KCNQ3: variants seen among roughly 807,000 people sequenced by gnomAD.
The protein encoded by KCNQ3 is potassium voltage-gated channel subfamily KQT member 3.
KCNQ3 carries 30 observed loss-of-function variants against 92.5 expected under a neutral mutation model. That is an observed-to-expected ratio of 0.32 (90% CI 0.24 to 0.44). The LOEUF (loss-of-function observed/expected upper bound fraction) is 0.44, where lower values mean the gene tolerates loss of function less well. Ranked by LOEUF, KCNQ3 falls within the 20% of genes least tolerant of loss-of-function variation. KCNQ3 has a pLI of 1.00. For missense variants in KCNQ3, 913 were observed against 1,140.3 expected (o/e 0.80, Z 2.87); for synonymous variants, 450 against 468.8 (o/e 0.96, Z 0.52).
At position 132,186,018 on chromosome 8, in the gene KCNQ3, C is replaced by T. The variant is rs1052653187; in HGVS notation, c.477+73G>A. The T allele has an allele frequency of 5.4e-6, 6 of 1,111,450 alleles. No homozygotes were observed. The African/African-American group carries it at 6.1e-5, about 11-fold the overall frequency. The allele number at this position is 1,111,450 out of a possible 1,614,324, so 68.8% of individuals were successfully genotyped here. The stretch of plus-strand genomic sequence containing the variant: ...AGCTGCAACCAGTCAGGGAGGAGTG[C>T]ACCCAAGGGCAACCTCCTTTTCATC... On this transcript the variant is annotated intron_variant, in intron 2 of 14. Transcript: ENST00000388996.
intron 10 of KCNQ3, chr8:132,140,870 C>T: frequency 1.9e-6 from 1 of 524,124 alleles, no homozygotes; most frequent in Non-Finnish European, 3.4e-6. Flanking sequence ...CGGGGCGGAC[C>T]CTTAGAAACC....
chr8:132,273,428 AGCATG>A (rs1816224660), intron 1 of KCNQ3, among the ~76,000 whole-genome samples: 1 of 152,192 alleles, frequency 6.6e-6, no homozygotes, highest in Admixed American at 6.5e-5. Flanking sequence ...GGCTGCACAC[AGCATG>A]GGGACCCTGG....
At chr8:132,431,290 C>T (rs1350296471) in intron 1 of KCNQ3, among the ~76,000 whole-genome samples, 2 of 152,240 alleles carry the variant, frequency 1.3e-5, no homozygotes, top group Non-Finnish European at 2.9e-5. Flanking sequence ...CTGCTACTCA[C>T]ATCAGAATCA....
chr8:132,145,011 G>C (rs986060329), intron 9 of KCNQ3, among the ~76,000 whole-genome samples: 2 of 152,178 alleles, frequency 1.3e-5, no homozygotes, highest in Admixed American at 1.3e-4. Context: ...CCCCCAGCCA[G>C]GGCACATTTG....
chr8:132,366,278 G>A (rs753865072), intron 1 of KCNQ3, among the ~76,000 whole-genome samples: 14 of 152,034 alleles, frequency 9.2e-5, no homozygotes, highest in Non-Finnish European at 1.9e-4. Flanking sequence ...ATGGTAAATT[G>A]TATATCGATT....
chr8:132,140,016 T>C, intron 11 of KCNQ3, 60 bp downstream of exon 11: 1 of 1,149,246 alleles, frequency 8.7e-7, no homozygotes, highest in Admixed American at 2.3e-5. Flanking sequence ...CCCCTTCCTG[T>C]GGGAGTTGAG....
chr8:132,364,690 C>CAGATGGATGGAT (rs1554648103), intron 1 of KCNQ3, among the ~76,000 whole-genome samples: 1 of 147,608 alleles, frequency 6.8e-6, no homozygotes, highest in African/African-American at 2.6e-5. Flanking sequence ...GACGGACGGA[C>CAGATGGATGGAT]GGACGGATGG....
chr8:132,363,717 C>T (rs1470311358), intron 1 of KCNQ3, among the ~76,000 whole-genome samples: 5 of 151,818 alleles, frequency 3.3e-5, no homozygotes, highest in African/African-American at 9.7e-5. Flanking sequence ...GTGGCTCCCA[C>T]GTGCTCACGT....
intron 1 of KCNQ3, among the ~76,000 whole-genome samples, chr8:132,246,004 C>A (rs1170257204): frequency 7.5e-6 from 1 of 134,184 alleles, no homozygotes; most frequent in Non-Finnish European, 1.7e-5. Context: ...AGGAGAAAAT[C>A]AAGGGACCCT....
At chr8:132,270,335 G>A (rs559557807) in intron 1 of KCNQ3, among the ~76,000 whole-genome samples, 65 of 152,260 alleles carry the variant, frequency 4.3e-4, no homozygotes, top group African/African-American at 1.6e-3. Flanking sequence ...ATCTCCATAC[G>A]CAGGAAGTCC....
intron 9 of KCNQ3, among the ~76,000 whole-genome samples, chr8:132,145,025 A>G: frequency 6.6e-6 from 1 of 152,192 alleles, no homozygotes; most frequent in East Asian, 1.9e-4. Context: ...ACATTTGGCC[A>G]TGCCTGGAGA....
chr8:132,426,931 A>G (rs1053671253), intron 1 of KCNQ3, among the ~76,000 whole-genome samples: 1 of 152,158 alleles, frequency 6.6e-6, no homozygotes, highest in African/African-American at 2.4e-5. Context: ...TAACTCTAAC[A>G]TCATATGTGT....
chr8:132,185,102 C>T (rs1301034843), intron 2 of KCNQ3, among the ~76,000 whole-genome samples: 2 of 152,232 alleles, frequency 1.3e-5, no homozygotes, highest in African/African-American at 4.8e-5. Context: ...ACGACAATCC[C>T]TGGAGCCTAG....
intron 13 of KCNQ3, among the ~76,000 whole-genome samples, chr8:132,133,711 T>C (rs1025457875): frequency 6.6e-6 from 1 of 152,204 alleles, no homozygotes; most frequent in Non-Finnish European, 1.5e-5. Flanking sequence ...ACTCCCTCAC[T>C]CATTGTGTTA....
At chr8:132,374,364 C>A (rs1489539714) in intron 1 of KCNQ3, among the ~76,000 whole-genome samples, 2 of 152,184 alleles carry the variant, frequency 1.3e-5, no homozygotes, top group Non-Finnish European at 2.9e-5. Context: ...AGCAGAGAAA[C>A]TTCATCGAGG....
chr8:132,324,995 T>A (rs866130577), intron 1 of KCNQ3, among the ~76,000 whole-genome samples: 1 of 152,126 alleles, frequency 6.6e-6, no homozygotes, highest in Admixed American at 6.5e-5. Flanking sequence ...GTTTTTTTTT[T>A]TTTTCTTTTT....
intron 1 of KCNQ3, chr8:132,186,466 G>T: frequency 2.5e-6 from 1 of 404,260 alleles, no homozygotes; most frequent in Admixed American, 3.5e-5. Flanking sequence ...TAGATCATCT[G>T]GTTCCAACCT....
intron 9 of KCNQ3, among the ~76,000 whole-genome samples, chr8:132,154,209 T>TTTTTG (rs1762319010): frequency 7.3e-6 from 1 of 137,558 alleles, no homozygotes; most frequent in African/African-American, 3.0e-5. Context: ...TTTTTTTTTT[T>TTTTTG]TTTTTTTTTT....
intron 1 of KCNQ3, among the ~76,000 whole-genome samples, chr8:132,432,325 T>C (rs1821273880): frequency 6.7e-6 from 1 of 148,556 alleles, no homozygotes; most frequent in Non-Finnish European, 1.5e-5. Context: ...AGCTAAGACA[T>C]CTAGGGCCTA....
Sources: allele counts gnomAD v4.1 joint callset (sites outside exome capture counted in the v4.1 genomes callset), GRCh38; gene constraint gnomAD v4.1.1; transcripts MANE v1.5; gene names NCBI Gene and HGNC (gene_info 2026-07-23, HGNC 2026-07-21).